NOTCH2NLR: variants seen among roughly 807,000 people sequenced by gnomAD.
NOTCH2NLR encodes notch 2 N-terminal like R.
Under a neutral mutation model 35.6 loss-of-function variants are expected in NOTCH2NLR, and 33 were observed. The ratio of observed to expected loss-of-function variants is 0.93; its 90% confidence interval spans 0.70 to 1.24. NOTCH2NLR has a LOEUF of 1.24. NOTCH2NLR is among the 50% of genes most tolerant of loss of function. The probability of loss-of-function intolerance (pLI) is 0.00; values close to 1 mark genes in which losing one functional copy is unlikely to be tolerated. For synonymous variants in NOTCH2NLR, 103 were observed against 141.0 expected, an observed-to-expected ratio of 0.73 and a Z score of 1.91; for missense variants, 276 against 362.2, an observed-to-expected ratio of 0.76 and a Z score of 1.93.
At position 120,724,245 on chromosome 1, in the gene NOTCH2NLR, C is replaced by T; in HGVS notation, c.68C>T (p.Ala23Val). 20 of 1,401,592 alleles carry T rather than the reference C, an allele frequency of 1.4e-5. 3 individuals carry two copies. The highest frequency in any genetic ancestry group is 1.9e-5 in the Non-Finnish European group (20 of 1,068,238). 86.8% of individuals were successfully genotyped at this position (1,401,592 alleles called of 1,614,324 possible). A position where few individuals can be genotyped will look rare whatever the true frequency, so the allele number is the denominator to read the frequency against. Residue 23 changes from alanine (A) to valine (V), a missense_variant, in exon 1 of 5, where the codon GCG (alanine) becomes GTG (valine). By Grantham distance (64) the Ala-to-Val change is moderately conservative. Coordinates refer to ENST00000624419, the Ensembl canonical transcript of NOTCH2NLR. Reference sequence around the variant, plus strand: ...CTCTGGCTGTGCTGGGCGGCCCCCGCGCATGGTGAGTATCGGGCTGAGGGG... The same window carrying T: ...CTCTGGCTGTGCTGGGCGGCCCCCGTGCATGGTGAGTATCGGGCTGAGGGG...
chr1:120,790,583 TC>T (rs1178945184), intron 3 of NOTCH2NLR, among the ~76,000 whole-genome samples: 4 of 106,464 alleles, frequency 3.8e-5, no homozygotes, highest in Non-Finnish European at 5.2e-5. Flanking sequence ...TTTCTTTCTT[TC>T]TTTCTTTCTC....
rs1175489475 is a variant in NOTCH2NLR, at chr1:120,778,482, G to T, written c.156-6492G>T. Among the ~76,000 whole-genome samples, 4 of 104,066 alleles carry T rather than the reference G, an allele frequency of 3.8e-5. No individual in the cohort carries two copies. In the East Asian group the frequency reaches 9.1e-4, roughly 24 times the overall value. The allele number at this position is 104,066 out of a possible 152,430, so 68.3% of individuals were successfully genotyped here. On this transcript the variant is annotated intron_variant, in intron 2 of 4. Transcript: ENST00000624419. ...TCCCCTTCGTTCCACATTCTGTATA[G>T]TTTTTTTAAAAATCATGATTTTGAA...
chr1:120,755,570 A>AT lies in NOTCH2NLR; in HGVS notation c.74-8049dup, dbSNP rs1196827541. On this transcript the variant is annotated intron_variant, in intron 1 of 4. Coordinates refer to ENST00000624419, the Ensembl canonical transcript of NOTCH2NLR. ...CAATATAGCACAGCAAACACTGATG[A>AT]TTTTTTTTTGCAATAAGTTCAATAT... Among the ~76,000 whole-genome samples, 2 of 82,592 alleles carry AT rather than the reference A, an allele frequency of 2.4e-5. 1 individual carries two copies. The highest frequency in any genetic ancestry group is 5.8e-4 in the East Asian group (2 of 3,444). The allele number at this position is 82,592 out of a possible 152,430, so 54.2% of individuals were successfully genotyped here.
chr1:120,770,619 T>G (rs1454050717), intron 2 of NOTCH2NLR, among the ~76,000 whole-genome samples: 1 of 121,368 alleles, frequency 8.2e-6, no homozygotes, highest in African/African-American at 4.6e-5. Context: ...TGTATTTACT[T>G]TAGTCCTCAT....
In NOTCH2NLR at chr1:120,724,463, C is replaced by T. The variant is rs1374422020; in HGVS notation, c.73+213C>T. On this transcript the variant is annotated intron_variant, in intron 1 of 4. Coordinates refer to ENST00000624419, the Ensembl canonical transcript of NOTCH2NLR. ...GCTGGGGTTCCCCGCCGCCTCTGCT[C>T]CCCGCGGCCCGGGACCCCTCACACG... 9.6e-4 allele frequency among the ~76,000 whole-genome samples: 116 copies of T among 121,258 alleles called. 27 individuals are homozygous for T. The highest frequency in any genetic ancestry group is 9.2e-4 in the Admixed American group (12 of 13,010). 79.5% of individuals were successfully genotyped at this position (121,258 alleles called of 152,430 possible). A position where few individuals can be genotyped will look rare whatever the true frequency, so the allele number is the denominator to read the frequency against.
At chr1:120,776,129 T>C (rs1651304943) in intron 2 of NOTCH2NLR, among the ~76,000 whole-genome samples, 1 of 116,928 alleles carries the variant, frequency 8.6e-6, no homozygotes, top group Non-Finnish European at 1.6e-5. Flanking sequence ...GTTGAATGCC[T>C]TCTATATGCC....
chr1:120,776,292 T>G lies in NOTCH2NLR; in HGVS notation c.156-8682T>G, dbSNP rs1462353288. 1.9e-5 allele frequency among the ~76,000 whole-genome samples: 2 copies of G among 108,032 alleles called. 1 individual carries two copies. Among genetic ancestry groups the G allele is most frequent in the African/African-American group, 1.2e-4 (2 of 17,202 alleles). The allele number at this position is 108,032 out of a possible 152,430, so 70.9% of individuals were successfully genotyped here. On this transcript the variant is annotated intron_variant, in intron 2 of 4. Coordinates refer to ENST00000624419, the Ensembl canonical transcript of NOTCH2NLR. ...TTTTCACAGGAAATAACATTTAAGT[T>G]GAGACTTAATGAAATTTTAGGGCTT... is the stretch of plus-strand genomic sequence containing the variant.
chr1:120,767,918 A>T lies in NOTCH2NLR; in HGVS notation c.155+4209A>T, dbSNP rs1390810925. Among the ~76,000 whole-genome samples the T allele has an allele frequency of 4.2e-5, 5 of 117,852 alleles. 1 individual carries two copies. Among genetic ancestry groups the T allele is most frequent in the East Asian group, 2.1e-4 (1 of 4,782 alleles). 77.3% of individuals were successfully genotyped at this position (117,852 alleles called of 152,430 possible). ...AATCTTTGTCTGCTGGTTCTTAACA[A>T]CTGGGTTGTCTATGGATGTGTTTCT... is the stretch of plus-strand genomic sequence containing the variant. On this transcript the variant is annotated intron_variant, in intron 2 of 4. Coordinates refer to ENST00000624419, the Ensembl canonical transcript of NOTCH2NLR.
At chr1:120,758,717 T>C (rs1292095278) in intron 1 of NOTCH2NLR, among the ~76,000 whole-genome samples, 3 of 43,622 alleles carry the variant, frequency 6.9e-5, no homozygotes, top group Non-Finnish European at 1.2e-4. Flanking sequence ...CTCCCTGGCC[T>C]CTGTCCTTGC....
At chr1:120,756,334 C>T (rs1166291940) in intron 1 of NOTCH2NLR, among the ~76,000 whole-genome samples, 1 of 117,116 alleles carries the variant, frequency 8.5e-6, no homozygotes, top group Non-Finnish European at 1.6e-5. Context: ...CAGACTTCAT[C>T]TCTCAAATAT....
intron 3 of NOTCH2NLR, among the ~76,000 whole-genome samples, chr1:120,787,198 TTA>T (rs1402724104): frequency 1.2e-5 from 1 of 82,916 alleles, no homozygotes. Context: ...TTGGCAATCT[TTA>T]TATATATATA....
chr1:120,777,659 C>T (rs1350761409), intron 2 of NOTCH2NLR, among the ~76,000 whole-genome samples: 1 of 54,820 alleles, frequency 1.8e-5, no homozygotes, highest in Non-Finnish European at 3.0e-5. Flanking sequence ...TTTTTTCTTT[C>T]TTTTTTTTTT....
At chr1:120,759,174 A>G (rs1417172986) in intron 1 of NOTCH2NLR, among the ~76,000 whole-genome samples, 1 of 53,630 alleles carries the variant, frequency 1.9e-5, no homozygotes, top group African/African-American at 2.0e-4. Flanking sequence ...CACTGCACTG[A>G]AAGTGTATGA....
chr1:120,756,063 T>C (rs1400699189), intron 1 of NOTCH2NLR, among the ~76,000 whole-genome samples: 1 of 114,872 alleles, frequency 8.7e-6, no homozygotes, highest in Non-Finnish European at 1.6e-5. Context: ...TTCTGTTTGT[T>C]TGGATTTTTT....
At chr1:120,785,322 A>G in intron 3 of NOTCH2NLR, 89 bp downstream of exon 3, 1 of 924,486 alleles carries the variant, frequency 1.1e-6, no homozygotes, top group Non-Finnish European at 1.6e-6. Context: ...TGGCTCTTAA[A>G]TGTCCCCCAG....
chr1:120,759,824 AT>A (rs1322342462), intron 1 of NOTCH2NLR, among the ~76,000 whole-genome samples: 1 of 115,420 alleles, frequency 8.7e-6, no homozygotes, highest in Non-Finnish European at 1.6e-5. Context: ...AATATTTAAC[AT>A]TTTTTGAAAT....
chr1:120,756,048 ACTT>A (rs1651077099), intron 1 of NOTCH2NLR, among the ~76,000 whole-genome samples: 1 of 110,994 alleles, frequency 9.0e-6, no homozygotes, highest in Admixed American at 8.9e-5. Flanking sequence ...AAGCTTCCGC[ACTT>A]CTTCTGTTTG....
rs1651156758 is a variant in NOTCH2NLR at position 120,763,627 on chromosome 1, G to A, written c.74-1G>A. The stretch of plus-strand genomic sequence containing the variant: ...TAATGTGCATTTGTTTTTATTTTTA[G>A]CATTGCAGTGTCGAGATGGCTATGA... On this transcript the variant is annotated splice_acceptor_variant, in intron 1 of 4. Coordinates refer to ENST00000624419, the Ensembl canonical transcript of NOTCH2NLR. LOFTEE classifies it high-confidence loss of function. The A allele has an allele frequency of 1.5e-6, 2 of 1,355,794 alleles. No homozygotes were observed. Among genetic ancestry groups the A allele is most frequent in the African/African-American group, 5.8e-5 (2 of 34,584 alleles). 84.0% of individuals were successfully genotyped at this position (1,355,794 alleles called of 1,614,324 possible). A position where few individuals can be genotyped will look rare whatever the true frequency, so the allele number is the denominator to read the frequency against.
rs1369594912 is a variant in NOTCH2NLR at position 120,778,263 on chromosome 1, C to T, written c.156-6711C>T. Among the ~76,000 whole-genome samples, 2 of 51,342 alleles carry T rather than the reference C, an allele frequency of 3.9e-5. 1 individual carries two copies. The highest frequency in any genetic ancestry group is 3.7e-4 in the Admixed American group (2 of 5,400). The allele number at this position is 51,342 out of a possible 152,430, so 33.7% of individuals were successfully genotyped here. ...CCTCATTTACCTTAATGACAGCTCC[C>T]CCCTCTAGAGCTCAGCTAGGGCAGG... On this transcript the variant is annotated intron_variant, in intron 2 of 4. Transcript: ENST00000624419.
Sources: gnomAD v4.1 joint callset for allele counts (sites outside exome capture counted in the v4.1 genomes callset) on GRCh38, gnomAD v4.1.1 for gene constraint, MANE v1.5 for transcripts, NCBI Gene and HGNC (gene_info 2026-07-23, HGNC 2026-07-21) for gene names.